The following ACAN variants were observed in gnomAD, a reference collection of about 807,000 sequenced individuals.
ACAN encodes the protein aggrecan core protein.
In ACAN, 47 loss-of-function variants were observed where a neutral mutation model predicts 169.1. The ratio of observed to expected loss-of-function variants is 0.28; its 90% CI spans 0.22 to 0.35. ACAN has a LOEUF of 0.35. ACAN is among the 10% of genes least tolerant of loss of function. ACAN has a pLI of 1.00. For synonymous variants in ACAN, 1,115 were observed against 1,112.2 expected, an observed-to-expected ratio of 1.00 and a Z score of -0.05; for missense variants, 2,716 against 2,759.9, an observed-to-expected ratio of 0.98 and a Z score of 0.36.
In ACAN at chr15:88,872,686, G is replaced by T. The variant is rs147566078; in HGVS notation, c.7303-195G>T. On this transcript the variant is annotated intron_variant, in intron 16 of 18. Coordinates refer to ENST00000560601, the MANE Select transcript of ACAN (RefSeq NM_001369268.1). This position sits in a 1 kb window ranked among gnomAD's most constrained non-coding sequence, Gnocchi z 5.4. Reference sequence around the variant, plus strand: ...AAGCTGTGTGACTGATTCCCTAGAGGGCCACCGGGTTCCATGGCCCCTAGA... The same window carrying T: ...AAGCTGTGTGACTGATTCCCTAGAGTGCCACCGGGTTCCATGGCCCCTAGA... Among the ~76,000 whole-genome samples, 1 of 152,116 alleles carries T rather than the reference G, an allele frequency of 6.6e-6. No homozygotes were observed. Among genetic ancestry groups the T allele is most frequent in the Admixed American group, 6.5e-5 (1 of 15,270 alleles).
intron 11 of ACAN, 131 bp downstream of exon 11, chr15:88,852,164 G>A: frequency 2.2e-6 from 3 of 1,377,220 alleles, no homozygotes; most frequent in Non-Finnish European, 2.9e-6. Context: ...CACTGGCTGG[G>A]TGTTCTGCTA....
chr15:88,834,350 C>A (rs976569637), intron 1 of ACAN, among the ~76,000 whole-genome samples: 1 of 152,194 alleles, frequency 6.6e-6, no homozygotes, highest in Non-Finnish European at 1.5e-5. Flanking sequence ...GAAAGGGTCA[C>A]TCGGAGTCCT....
At chr15:88,804,945 T>TA (rs1895640878) in intron 1 of ACAN, among the ~76,000 whole-genome samples, 1 of 152,086 alleles carries the variant, frequency 6.6e-6, no homozygotes, top group Non-Finnish European at 1.5e-5. Flanking sequence ...TCTGACAGTT[T>TA]AGAGGGGACT....
Position 88,838,706 on chromosome 15 carries a change from G to C in ACAN, c.114G>C (p.Pro38=), listed in dbSNP as rs367956651. 6.2e-7 allele frequency: 1 copy of C among 1,606,596 alleles called. No individual in the cohort carries two copies. The highest frequency in any genetic ancestry group is 8.5e-7 in the Non-Finnish European group (1 of 1,175,316). ...SLSVSIPQPS[P]LRVLLGTSLT... ...GTGTCAGCATCCCCCAACCGTCCCC[G>C]CTGAGGGTCCTCCTGGGGACCTCCC... Residue 38 remains proline (P), a synonymous_variant, in exon 3 of 19, where the codon CCG becomes CCC. Coordinates refer to ENST00000560601, the MANE Select transcript of ACAN (RefSeq NM_001369268.1). This position sits in a 1 kb window ranked among gnomAD's most constrained non-coding sequence, Gnocchi z 5.1.
chr15:88,806,798 A>T (rs142605861), intron 1 of ACAN, among the ~76,000 whole-genome samples: 1 of 152,224 alleles, frequency 6.6e-6, no homozygotes, highest in East Asian at 1.9e-4. Context: ...TGCTGCAGGG[A>T]TGTCTAGCAC....
chr15:88,843,764 A>C lies in ACAN; in HGVS notation c.1051+116A>C, dbSNP rs1247822981. The C allele has an allele frequency of 7.7e-7, 1 of 1,294,582 alleles. No homozygotes were observed. Among genetic ancestry groups the C allele is most frequent in the African/African-American group, 1.5e-5 (1 of 67,472 alleles). The allele number at this position is 1,294,582 out of a possible 1,614,324, so 80.2% of individuals were successfully genotyped here. On this transcript the variant is annotated intron_variant, in intron 6 of 18. Coordinates refer to ENST00000560601, the MANE Select transcript of ACAN (RefSeq NM_001369268.1). This position sits in a 1 kb window ranked among gnomAD's most constrained non-coding sequence, Gnocchi z 4.0. ...TTTGCCCTTGAAGGGGCCACGGGGTACCTGAACCCCATGTTTTTAGGACAC... is the reference window on the plus strand; with the variant it reads ...TTTGCCCTTGAAGGGGCCACGGGGTCCCTGAACCCCATGTTTTTAGGACAC...
In ACAN at chr15:88,853,736, T is replaced by A. The variant is rs145151139; in HGVS notation, c.2267-1116T>A. ...TGTGTTTCATAGATAAATAGATAGA[T>A]GATAGATAGATAGATAGATACATAC... On this transcript the variant is annotated intron_variant, in intron 11 of 18. Coordinates refer to ENST00000560601, the MANE Select transcript of ACAN (RefSeq NM_001369268.1). Among the ~76,000 whole-genome samples, 4 of 141,666 alleles carry A rather than the reference T, an allele frequency of 2.8e-5. No homozygotes were observed. In the South Asian group the frequency reaches 8.1e-4, roughly 29 times the overall value. The allele number at this position is 141,666 out of a possible 152,430, so 92.9% of individuals were successfully genotyped here.
At chr15:88,818,137 G>A (rs1403362236) in intron 1 of ACAN, among the ~76,000 whole-genome samples, 1 of 152,212 alleles carries the variant, frequency 6.6e-6, no homozygotes, top group East Asian at 1.9e-4. Context: ...CCAGAGACAG[G>A]AAGGGATAGA....
chr15:88,844,541 A>G (rs1896749154), intron 6 of ACAN, among the ~76,000 whole-genome samples: 1 of 151,826 alleles, frequency 6.6e-6, no homozygotes, highest in Admixed American at 6.6e-5. Flanking sequence ...TGCCCAGCTA[A>G]TTTTGTATTT....
rs1238877170 is a variant in ACAN at position 88,873,420 on chromosome 15, C to G, written c.7447+395C>G. Among the ~76,000 whole-genome samples, 1 of 152,184 alleles carries G rather than the reference C, an allele frequency of 6.6e-6. No homozygotes were observed. Among genetic ancestry groups the G allele is most frequent in the Non-Finnish European group, 1.5e-5 (1 of 68,032 alleles). On this transcript the variant is annotated intron_variant, in intron 17 of 18. Coordinates refer to ENST00000560601, the MANE Select transcript of ACAN (RefSeq NM_001369268.1). The surrounding 1 kb of genome is among the most constrained non-coding windows in gnomAD (Gnocchi z 7.5). ...TCACAGAGTCATAGTTGTCAGGCCT[C>G]GATCCTTTGGCTTTCAGTCTGTGGA...
intron 13 of ACAN, among the ~76,000 whole-genome samples, chr15:88,864,860 T>C (rs757483987): frequency 6.6e-6 from 1 of 152,178 alleles, no homozygotes; most frequent in Non-Finnish European, 1.5e-5. Context: ...TCCATTCATA[T>C]TGTAGTCTTT....
rs150988100 is a variant in ACAN, at chr15:88,854,881, G to A, written c.2296G>A (p.Ala766Thr). The A allele has an allele frequency of 4.6e-5, 69 of 1,508,006 alleles. No individual in the cohort carries two copies. Among genetic ancestry groups the A allele is most frequent in the Middle Eastern group, 3.5e-4 (2 of 5,642 alleles). The allele number at this position is 1,508,006 out of a possible 1,614,324, so 93.4% of individuals were successfully genotyped here. The change falls in exon 12 of 19, where the codon GCA (alanine) becomes ACA (threonine). Residue 766 changes from alanine to threonine, a missense_variant. By Grantham distance (58) the Ala-to-Thr change is moderately conservative. This residue lies in a region of ACAN where 1,283 missense variants were observed against 1,281.5 expected (regional missense o/e 1.00). Transcript: ENST00000560601. ...GILPTWPPTG[A>T]ATEESTEGPS... is the part of the protein sequence containing the mutation. ...CCTTCCTACTTGGCCTCCCACTGGC[G>A]CAGCAACAGAGGAAAGTACAGAAGG...
At chr15:88,840,417 C>G (rs189406563) in intron 4 of ACAN, among the ~76,000 whole-genome samples, 5 of 152,320 alleles carry the variant, frequency 3.3e-5, no homozygotes, top group African/African-American at 4.8e-5. Flanking sequence ...CTGCTAGCAA[C>G]CTTGCCCTAC....
intron 1 of ACAN, among the ~76,000 whole-genome samples, chr15:88,822,883 G>A (rs1026878437): frequency 5.3e-5 from 8 of 152,144 alleles, no homozygotes; most frequent in Admixed American, 1.3e-4. Flanking sequence ...CCAAGAACCC[G>A]AGCATCTGTC....
rs897312602 is a variant in ACAN, at chr15:88,814,571, G to T, written c.-8+10762G>T. Among the ~76,000 whole-genome samples the T allele has an allele frequency of 1.3e-5, 2 of 152,170 alleles. No homozygotes were observed. Among genetic ancestry groups the T allele is most frequent in the African/African-American group, 4.8e-5 (2 of 41,446 alleles). On this transcript the variant is annotated intron_variant, in intron 1 of 18. Transcript: ENST00000560601. This position sits in a 1 kb window ranked among gnomAD's most constrained non-coding sequence, Gnocchi z 4.0. ...CTGATAGGCCTGGAAAGTGTGGCAGGTTCTGCTGTACACAGGGCTCCCACA... is the reference window on the plus strand; with the variant it reads ...CTGATAGGCCTGGAAAGTGTGGCAGTTTCTGCTGTACACAGGGCTCCCACA...
Position 88,874,155 on chromosome 15 carries a change from G to A in ACAN, c.7630+131G>A, listed in dbSNP as rs907826061. ...GCAAGGGAAGGGAGGTCGGGGGGCT[G>A]CTCAGTCACAAATAGCTGACCACTG... On this transcript the variant is annotated intron_variant, in intron 18 of 18. Transcript: ENST00000560601. This position sits in a 1 kb window ranked among gnomAD's most constrained non-coding sequence, Gnocchi z 7.3. 2.3e-6 allele frequency: 3 copies of A among 1,303,364 alleles called. No individual in the cohort carries two copies. Among genetic ancestry groups the A allele is most frequent in the East Asian group, 5.0e-5 (2 of 39,878 alleles). 80.7% of individuals were successfully genotyped at this position (1,303,364 alleles called of 1,614,324 possible). A position where few individuals can be genotyped will look rare whatever the true frequency, so the allele number is the denominator to read the frequency against.
In ACAN at chr15:88,858,696, C is replaced by T; in HGVS notation, c.6111C>T (p.Ile2037=). ...CAGGACTTCCAGAAGTTACTTTAAT[C>T]ACTTCTGAGTTCGTGGAGGGTGTTA... ...EASGLPEVTL[I]TSEFVEGVTE... The change falls in exon 12 of 19, where the codon ATC becomes ATT. Residue 2037 remains isoleucine, a synonymous_variant. Transcript: ENST00000560601. The surrounding 1 kb of genome is among the most constrained non-coding windows in gnomAD (Gnocchi z 4.0). 3 of 1,613,972 alleles carry T rather than the reference C, an allele frequency of 1.9e-6. No homozygotes were observed. The highest frequency in any genetic ancestry group is 2.5e-6 in the Non-Finnish European group (3 of 1,179,900).
intron 1 of ACAN, among the ~76,000 whole-genome samples, chr15:88,806,352 ATT>A (rs34058187): frequency 0.35 from 50,869 of 146,990 alleles, 9,277 homozygotes; most frequent in East Asian, 0.55. Context: ...TTTGGTGTGA[ATT>A]TTTTTTTTTT....
In ACAN at chr15:88,851,691, G is replaced by A; in HGVS notation, c.2027-103G>A. The stretch of plus-strand genomic sequence containing the variant: ...GCCATCTGCTGAACTAGGAGGTGGG[G>A]CCTGGCCACCTCAGAGTCCCCTAGC... On this transcript the variant is annotated intron_variant, in intron 10 of 18. Coordinates refer to ENST00000560601, the MANE Select transcript of ACAN (RefSeq NM_001369268.1). This position sits in a 1 kb window ranked among gnomAD's most constrained non-coding sequence, Gnocchi z 4.3. 1 of 1,392,134 alleles carries A rather than the reference G, an allele frequency of 7.2e-7. No individual in the cohort carries two copies. The highest frequency in any genetic ancestry group is 9.6e-7 in the Non-Finnish European group (1 of 1,046,248). The allele number at this position is 1,392,134 out of a possible 1,614,324, so 86.2% of individuals were successfully genotyped here.
Sources: allele counts gnomAD v4.1 joint callset (sites outside exome capture counted in the v4.1 genomes callset), GRCh38; gene constraint gnomAD v4.1.1; regional missense constraint gnomAD v4.1.1; non-coding constraint Gnocchi (gnomAD v3.1); transcripts MANE v1.5; gene names NCBI Gene and HGNC (gene_info 2026-07-23, HGNC 2026-07-21).